The following ZBTB7C variants were observed in gnomAD, a reference collection of about 807,000 sequenced individuals.
ZBTB7C encodes zinc finger and BTB domain containing 7C.
In ZBTB7C, 8 loss-of-function variants were observed where a neutral mutation model predicts 25.7. The observed-to-expected ratio is 0.31, with a 90% CI of 0.18 to 0.56. ZBTB7C has a LOEUF of 0.56. Ranked by LOEUF, ZBTB7C falls within the 20% of genes least tolerant of loss-of-function variation. The pLI is 0.91. For missense variants in ZBTB7C, 824 were observed against 855.2 expected (o/e 0.96, Z 0.46); for synonymous variants, 394 against 369.0 (o/e 1.07, Z -0.78).
intron 2 of ZBTB7C, among the ~76,000 whole-genome samples, chr18:48,238,136 G>A (rs889805546): frequency 6.6e-6 from 1 of 152,142 alleles, no homozygotes; most frequent in Non-Finnish European, 1.5e-5. Context: ...CTCTGAAGGG[G>A]GAGTTTCCAG....
chr18:48,040,498 G>T lies in ZBTB7C; in HGVS notation c.610C>A (p.Pro204Thr), dbSNP rs1184972802. The change falls in exon 4 of 5, where the codon CCC becomes ACC. Residue 204 changes from proline (P) to threonine (T), a missense_variant. Pro to Thr is a conservative substitution (Grantham distance 38). Around this residue, in one of 4 missense-constraint regions of ZBTB7C, gnomAD observed 316 missense variants for 299.2 expected, o/e 1.06. Coordinates refer to ENST00000590800, the MANE Select transcript of ZBTB7C (RefSeq NM_001318841.2). ...TGGAAGGAGTCAGGGAAGTCCCTGGGGGTGTCTGAATAGGCCTTCTCTGTG... is the reference window on the plus strand; with the variant it reads ...TGGAAGGAGTCAGGGAAGTCCCTGGTGGTGTCTGAATAGGCCTTCTCTGTG... Reference protein sequence around the residue: ...HLTEKAYSDTPRDFPDSFQAG... With the variant: ...HLTEKAYSDTTRDFPDSFQAG... 2 of 1,613,320 alleles carry T rather than the reference G, an allele frequency of 1.2e-6. No individual in the cohort carries two copies. Among genetic ancestry groups the T allele is most frequent in the Non-Finnish European group, 1.7e-6 (2 of 1,179,588 alleles).
chr18:48,278,677 C>A (rs2044741235), intron 2 of ZBTB7C, among the ~76,000 whole-genome samples: 1 of 152,180 alleles, frequency 6.6e-6, no homozygotes, highest in African/African-American at 2.4e-5. Context: ...ATCCACCTGC[C>A]TCAGCCTCCC....
intron 2 of ZBTB7C, among the ~76,000 whole-genome samples, chr18:48,219,484 G>A (rs560963419): frequency 6.6e-6 from 1 of 152,306 alleles, no homozygotes; most frequent in African/African-American, 2.4e-5. Context: ...TCCAGGTGGG[G>A]ACACTGAGGT....
At chr18:48,245,536 G>A (rs1015308060) in intron 2 of ZBTB7C, among the ~76,000 whole-genome samples, 15 of 125,912 alleles carry the variant, frequency 1.2e-4, no homozygotes, top group South Asian at 2.6e-4. Flanking sequence ...TGGTATATAC[G>A]CTCAAGAGTA....
intron 3 of ZBTB7C, among the ~76,000 whole-genome samples, chr18:48,053,498 C>CATTTAT (rs969302240): frequency 2.6e-5 from 4 of 152,160 alleles, no homozygotes; most frequent in Non-Finnish European, 5.9e-5. Flanking sequence ...AAATATTTTA[C>CATTTAT]ATTTATATTT....
At chr18:48,405,820 T>C (rs796515514) in intron 1 of ZBTB7C, among the ~76,000 whole-genome samples, 3 of 117,978 alleles carry the variant, frequency 2.5e-5, no homozygotes, top group African/African-American at 6.6e-5. Context: ...GCACACAGGC[T>C]GGGGTTCACT....
intron 1 of ZBTB7C, among the ~76,000 whole-genome samples, chr18:48,373,618 C>T (rs2047441923): frequency 6.6e-6 from 1 of 152,182 alleles, no homozygotes; most frequent in Non-Finnish European, 1.5e-5. Context: ...GGACCATCCC[C>T]TTGGTGATAA....
intron 2 of ZBTB7C, among the ~76,000 whole-genome samples, chr18:48,224,784 A>C (rs890049279): frequency 6.6e-6 from 1 of 152,098 alleles, no homozygotes; most frequent in Non-Finnish European, 1.5e-5. Context: ...TGTATACAAA[A>C]CTATACATTT....
intron 2 of ZBTB7C, among the ~76,000 whole-genome samples, chr18:48,218,570 C>G (rs1361409302): frequency 6.6e-6 from 1 of 152,250 alleles, no homozygotes; most frequent in Non-Finnish European, 1.5e-5. Context: ...TGCTTGAAAG[C>G]AGGGGCCTGG....
intron 4 of ZBTB7C, among the ~76,000 whole-genome samples, chr18:48,036,367 G>T (rs973805798): frequency 6.6e-6 from 1 of 152,184 alleles, no homozygotes. Flanking sequence ...GTACGTCCCC[G>T]TGGGGTGTGG....
intron 3 of ZBTB7C, among the ~76,000 whole-genome samples, chr18:48,067,632 G>A (rs889220004): frequency 1.3e-5 from 2 of 152,172 alleles, no homozygotes; most frequent in Non-Finnish European, 1.5e-5. Flanking sequence ...CAACTCTCCC[G>A]TGGGTCTCCA....
At chr18:48,349,718 A>T (rs941865296) in intron 1 of ZBTB7C, among the ~76,000 whole-genome samples, 1 of 152,202 alleles carries the variant, frequency 6.6e-6, no homozygotes, top group East Asian at 1.9e-4. Context: ...GGAATGAGCT[A>T]AAGTCTGGTC....
intron 3 of ZBTB7C, among the ~76,000 whole-genome samples, chr18:48,169,340 T>G (rs1433517767): frequency 6.6e-6 from 1 of 152,130 alleles, no homozygotes; most frequent in Non-Finnish European, 1.5e-5. Context: ...CTCTGTTACT[T>G]AACGGTTTCA....
chr18:48,112,173 T>C (rs988115924), intron 3 of ZBTB7C, among the ~76,000 whole-genome samples: 6 of 151,598 alleles, frequency 4.0e-5, no homozygotes, highest in African/African-American at 1.5e-4. Context: ...ATTTGTTTAA[T>C]AAAATATATG....
intron 3 of ZBTB7C, among the ~76,000 whole-genome samples, chr18:48,179,767 A>G (rs1016440784): frequency 7.8e-6 from 1 of 128,076 alleles, no homozygotes; most frequent in African/African-American, 3.1e-5. Context: ...CACTGCAAGG[A>G]AGATATTTCT....
intron 1 of ZBTB7C, among the ~76,000 whole-genome samples, chr18:48,401,034 T>C (rs544568296): frequency 1.3e-5 from 2 of 152,258 alleles, no homozygotes; most frequent in South Asian, 4.1e-4. Context: ...CACTGCATGA[T>C]TTTAACAAGT....
At chr18:48,157,588 G>A (rs891121906) in intron 3 of ZBTB7C, among the ~76,000 whole-genome samples, 1 of 152,130 alleles carries the variant, frequency 6.6e-6, no homozygotes, top group African/African-American at 2.4e-5. Context: ...CAAGAACCTG[G>A]CAGTCCCAGC....
chr18:48,199,082 G>A (rs570250464), intron 2 of ZBTB7C, among the ~76,000 whole-genome samples: 1 of 152,338 alleles, frequency 6.6e-6, no homozygotes, highest in East Asian at 1.9e-4. Flanking sequence ...CAGGAACGCT[G>A]GTAGAAAGTC....
chr18:48,345,603 A>G (rs1311903757), intron 1 of ZBTB7C, among the ~76,000 whole-genome samples: 1 of 151,958 alleles, frequency 6.6e-6, no homozygotes, highest in African/African-American at 2.4e-5. Context: ...CTGGGCGGGT[A>G]TTTCAGGAGT....
Sources: allele counts gnomAD v4.1 joint callset (sites outside exome capture counted in the v4.1 genomes callset), GRCh38; gene constraint gnomAD v4.1.1; regional missense constraint gnomAD v4.1.1; transcripts MANE v1.5; gene names NCBI Gene and HGNC (gene_info 2026-07-23, HGNC 2026-07-21).